Variants in CHEK1 observed in about 807,000 individuals in gnomAD.
CHEK1 encodes checkpoint kinase 1, also known as serine/threonine-protein kinase Chk1.
In CHEK1, 32 loss-of-function variants were observed where a neutral mutation model predicts 60.2. The observed-to-expected ratio is 0.53, with a 90% CI of 0.40 to 0.71. The LOEUF (loss-of-function observed/expected upper bound fraction) is 0.71, where lower values mean the gene tolerates loss of function less well. CHEK1 is among the 30% of genes least tolerant of loss of function. The pLI is 0.00. For missense variants in CHEK1, 399 were observed against 564.6 expected, an observed-to-expected ratio of 0.71 and a Z score of 2.97; for synonymous variants, 179 against 187.2, an observed-to-expected ratio of 0.96 and a Z score of 0.36.
chr11:125,633,070 CA>C, intron 5 of CHEK1, 92 bp from the exon 6 acceptor site: 1 of 1,105,366 alleles, frequency 9.0e-7, no homozygotes, highest in African/African-American at 1.6e-5. Flanking sequence ...TAAGTAACAC[CA>C]GTGATTTTTT....
intron 13 of CHEK1, chr11:125,671,697 T>A (rs1051887553): frequency 7.2e-5 from 11 of 152,220 alleles, no homozygotes; most frequent in African/African-American, 2.4e-4. Context: ...TCTGTAGCTC[T>A]GTAACCTTGG....
chr11:125,645,416 A>C (rs1482701018), intron 11 of CHEK1, among the ~76,000 whole-genome samples: 2 of 152,210 alleles, frequency 1.3e-5, no homozygotes, highest in Non-Finnish European at 2.9e-5. Flanking sequence ...TTTTCAAAAA[A>C]AATGTTAATG....
intron 1 of CHEK1, chr11:125,626,383 A>G (rs3731394): frequency 7.0e-6 from 3 of 430,216 alleles, no homozygotes; most frequent in East Asian, 7.5e-5. Flanking sequence ...TCTGCCCCAT[A>G]CCGCTCCCTA....
downstream of CHEK1, among the ~76,000 whole-genome samples, chr11:125,661,673 G>A (rs186815467): frequency 6.6e-6 from 1 of 151,166 alleles, no homozygotes; most frequent in Non-Finnish European, 1.5e-5. Context: ...GAATCTATAT[G>A]CTTTTTTTTT....
At chr11:125,661,395 T>G (rs866370531), downstream of CHEK1, among the ~76,000 whole-genome samples, 1 of 152,148 alleles carries the variant, frequency 6.6e-6, no homozygotes, top group Non-Finnish European at 1.5e-5. Context: ...CACTGCCACC[T>G]CTGCCTCCTG....
intron 4 of CHEK1, 40 bp downstream of exon 4, chr11:125,629,336 A>C: frequency 6.2e-7 from 1 of 1,612,796 alleles, no homozygotes; most frequent in East Asian, 2.2e-5. Flanking sequence ...TTAAAATTAG[A>C]GTGAATACAT....
chr11:125,626,483 A>G, intron 1 of CHEK1: 1 of 504,072 alleles, frequency 2.0e-6, no homozygotes, highest in Non-Finnish European at 3.5e-6. Context: ...ACCTCTTCAT[A>G]ACAACAATTA....
chr11:125,629,331 A>T lies in CHEK1; in HGVS notation c.354+35A>T, dbSNP rs777648224. The T allele has an allele frequency of 9.9e-6, 16 of 1,613,006 alleles. No individual in the cohort carries two copies. The East Asian group carries it at 1.1e-4, about 11-fold the overall frequency. On this transcript the variant is annotated intron_variant, in intron 4 of 12. Coordinates refer to ENST00000438015, the MANE Select transcript of CHEK1 (RefSeq NM_001114122.3). ...GTTGTCTATTTCCCTTTTACTTAAA[A>T]TTAGAGTGAATACATTACATTACCA...
chr11:125,634,949 C>A (rs1941007381), intron 6 of CHEK1, among the ~76,000 whole-genome samples: 1 of 146,690 alleles, frequency 6.8e-6, no homozygotes, highest in Non-Finnish European at 1.5e-5. Flanking sequence ...AGAAATGATT[C>A]ATCTGTTTTT....
In CHEK1 at chr11:125,625,331, A is replaced by C. The variant is rs1940538177; in HGVS notation, c.-702A>C. ...TTATCCTGACTTCAAGCTCCAACATAAACTGCTCGCTTTCTCCGGGAAACT... is the reference window on the plus strand; with the variant it reads ...TTATCCTGACTTCAAGCTCCAACATCAACTGCTCGCTTTCTCCGGGAAACT... On this transcript the variant is annotated 5_prime_UTR_variant, in exon 1 of 13. Transcript: ENST00000438015. 2 of 244,410 alleles carry C rather than the reference A, an allele frequency of 8.2e-6. No homozygotes were observed. The highest frequency in any genetic ancestry group is 1.6e-5 in the Non-Finnish European group (2 of 125,072). The allele number at this position is 244,410 out of a possible 1,614,324, so 15.1% of individuals were successfully genotyped here. A position where few individuals can be genotyped will look rare whatever the true frequency, so the allele number is the denominator to read the frequency against.
chr11:125,650,469 T>TTC (rs1214832265), intron 11 of CHEK1, among the ~76,000 whole-genome samples: 1 of 150,834 alleles, frequency 6.6e-6, no homozygotes, highest in Non-Finnish European at 1.5e-5. Flanking sequence ...TTTTTTTTTT[T>TTC]TTTTGAGACG....
chr11:125,647,973 A>T, intron 11 of CHEK1, among the ~76,000 whole-genome samples: 1 of 152,206 alleles, frequency 6.6e-6, no homozygotes, highest in Non-Finnish European at 1.5e-5. Flanking sequence ...TAAACCTCTA[A>T]TAGTAACTCT....
At chr11:125,635,304 T>G in intron 6 of CHEK1, 125 bp from the exon 7 acceptor site, 1 of 581,108 alleles carries the variant, frequency 1.7e-6, no homozygotes, top group Non-Finnish European at 2.9e-6. Context: ...CAAGTTGGGA[T>G]TCTTAGTGTG....
chr11:125,643,544 C>A (rs1941384713), intron 8 of CHEK1: 3 of 365,920 alleles, frequency 8.2e-6, no homozygotes, highest in Non-Finnish European at 9.8e-6. Flanking sequence ...ACACTTTGAA[C>A]ATGTCTACAG....
chr11:125,673,076 T>A (rs545137556), intron 13 of CHEK1, among the ~76,000 whole-genome samples: 73 of 152,238 alleles, frequency 4.8e-4, no homozygotes, highest in Admixed American at 7.8e-4. Context: ...ACAGTTTGAA[T>A]CATGACCCTA....
chr11:125,632,713 T>G (rs556567085), intron 5 of CHEK1, among the ~76,000 whole-genome samples: 1 of 152,334 alleles, frequency 6.6e-6, no homozygotes, highest in African/African-American at 2.4e-5. Flanking sequence ...TGAATTTTGG[T>G]GTGTCTTCAC....
intron 1 of CHEK1, chr11:125,626,447 C>T (rs1484879328): frequency 1.3e-5 from 6 of 457,642 alleles, no homozygotes; most frequent in Non-Finnish European, 2.4e-5. Context: ...CTTCCCCAGT[C>T]GTTCGCCGGA....
At chr11:125,666,417 T>A (rs1942099572) in intron 13 of CHEK1, among the ~76,000 whole-genome samples, 1 of 152,160 alleles carries the variant, frequency 6.6e-6, no homozygotes, top group African/African-American at 2.4e-5. Flanking sequence ...TTTTGTGGCC[T>A]CTCATATGGT....
At chr11:125,654,758 A>G (rs561512308) in intron 12 of CHEK1, among the ~76,000 whole-genome samples, 1 of 152,348 alleles carries the variant, frequency 6.6e-6, no homozygotes, top group South Asian at 2.1e-4. Context: ...GATTTGCTGC[A>G]ATACTGTTTT....
Sources: gnomAD v4.1 joint callset for allele counts (sites outside exome capture counted in the v4.1 genomes callset) on GRCh38, gnomAD v4.1.1 for gene constraint, MANE v1.5 for transcripts, NCBI Gene and HGNC (gene_info 2026-07-23, HGNC 2026-07-21) for gene names.